Variants in CLIP2 observed in about 807,000 individuals in gnomAD.
The protein encoded by CLIP2 is CAP-Gly domain-containing linker protein 2.
CLIP2 carries 41 observed loss-of-function variants against 111.7 expected under a neutral mutation model. The ratio of observed to expected loss-of-function variants is 0.37; its 90% CI spans 0.29 to 0.48. CLIP2 has a LOEUF of 0.48. Ranked by LOEUF, CLIP2 falls within the 20% of genes least tolerant of loss-of-function variation. The pLI is 0.99. For synonymous variants in CLIP2, 660 were observed against 644.2 expected (o/e 1.02, Z -0.37); for missense variants, 1,160 against 1,422.1 (o/e 0.82, Z 2.96).
intron 1 of CLIP2, among the ~76,000 whole-genome samples, chr7:74,306,043 T>G (rs6975651): frequency 1.6e-4 from 25 of 152,204 alleles, no homozygotes; most frequent in African/African-American, 5.3e-4. Context: ...CTAGATCCCC[T>G]GCTGCCTTCC....
chr7:74,312,577 T>A (rs1396502478), intron 1 of CLIP2, among the ~76,000 whole-genome samples: 2 of 152,196 alleles, frequency 1.3e-5, no homozygotes, highest in Admixed American at 6.6e-5. Flanking sequence ...CTCGGAGAGC[T>A]GTGCCCAAAG....
At chr7:74,358,250 C>T (rs1790205568) in intron 6 of CLIP2, among the ~76,000 whole-genome samples, 1 of 151,968 alleles carries the variant, frequency 6.6e-6, no homozygotes, top group Admixed American at 6.6e-5. Context: ...GGGGTTTCAC[C>T]CTGTTGGTCA....
intron 1 of CLIP2, among the ~76,000 whole-genome samples, chr7:74,289,958 C>T (rs1338938035): frequency 1.3e-5 from 2 of 152,086 alleles, no homozygotes; most frequent in Non-Finnish European, 2.9e-5. Context: ...GGGGGCACTG[C>T]TTGGGGTGCC....
chr7:74,350,933 GGAAAGGAAGGAAGGGAAA>G (rs1362687147), intron 3 of CLIP2, among the ~76,000 whole-genome samples: 2 of 141,100 alleles, frequency 1.4e-5, no homozygotes, highest in African/African-American at 2.7e-5. Context: ...AGGAAGGGAA[GGAAAGGAAGGAAGGGAAA>G]GAAAGGAAGG....
intron 1 of CLIP2, among the ~76,000 whole-genome samples, chr7:74,304,036 C>G (rs1788409822): frequency 6.6e-6 from 1 of 151,976 alleles, no homozygotes; most frequent in Non-Finnish European, 1.5e-5. Flanking sequence ...ACCTTAGCCT[C>G]CTAAGTAGCT....
chr7:74,326,096 C>A (rs915736579), intron 2 of CLIP2, among the ~76,000 whole-genome samples: 2 of 151,652 alleles, frequency 1.3e-5, no homozygotes, highest in African/African-American at 4.8e-5. Context: ...AAAAATTAGC[C>A]GGGCGCGACG....
At chr7:74,397,552 G>A (rs1425753048) in intron 14 of CLIP2, among the ~76,000 whole-genome samples, 4 of 151,860 alleles carry the variant, frequency 2.6e-5, no homozygotes, top group Non-Finnish European at 4.4e-5. Flanking sequence ...TCAACCACAA[G>A]CCAGTTCCTT....
chr7:74,357,616 C>T, intron 6 of CLIP2, 139 bp downstream of exon 6: 1 of 725,168 alleles, frequency 1.4e-6, no homozygotes, highest in Non-Finnish European at 2.3e-6. Flanking sequence ...CCCCGCTTTC[C>T]AGAGATAAGC....
At chr7:74,322,017 T>G (rs1215029215) in intron 2 of CLIP2, among the ~76,000 whole-genome samples, 1 of 143,608 alleles carries the variant, frequency 7.0e-6, no homozygotes, top group East Asian at 2.1e-4. Context: ...AGAGTCTTGC[T>G]CTGTCGACCA....
In CLIP2 at chr7:74,389,314, T is replaced by G. The variant is rs35415684; in HGVS notation, c.2720+55T>G. Reference sequence around the variant, plus strand: ...TCCCTGTGGCCCTGGCCCTTGCTCCTCTTCTTGACATTAGCTCATGTTATC... The same window carrying G: ...TCCCTGTGGCCCTGGCCCTTGCTCCGCTTCTTGACATTAGCTCATGTTATC... On this transcript the variant is annotated intron_variant, in intron 13 of 16. Coordinates refer to ENST00000223398, the MANE Select transcript of CLIP2 (RefSeq NM_003388.5). 9.5e-6 allele frequency: 14 copies of G among 1,469,886 alleles called. No individual in the cohort carries two copies. The Admixed American group carries it at 1.6e-4, about 17-fold the overall frequency. The allele number at this position is 1,469,886 out of a possible 1,614,324, so 91.1% of individuals were successfully genotyped here.
At chr7:74,318,652 G>A (rs1036073184) in intron 2 of CLIP2, among the ~76,000 whole-genome samples, 4 of 152,148 alleles carry the variant, frequency 2.6e-5, no homozygotes, top group Non-Finnish European at 2.9e-5. Context: ...GGAGGAGGTT[G>A]CAGTGAGCCG....
rs374126614 is a variant in CLIP2 at position 74,376,751 on chromosome 7, C to T, written c.2350C>T (p.Arg784Trp). 69 of 1,611,534 alleles carry T rather than the reference C, an allele frequency of 4.3e-5. No individual in the cohort carries two copies. Among genetic ancestry groups the T allele is most frequent in the Non-Finnish European group, 5.5e-5 (65 of 1,179,308 alleles). Reference protein sequence around the residue: ...AQGKQEVESLREKLLVAENRL... With the variant: ...AQGKQEVESLWEKLLVAENRL... ...GGGCAAACAGGAGGTCGAGAGTTTGCGGGAGAAGCTCCTGGTGGCTGAGAA... is the reference window on the plus strand; with the variant it reads ...GGGCAAACAGGAGGTCGAGAGTTTGTGGGAGAAGCTCCTGGTGGCTGAGAA... The change falls in exon 10 of 17, where the codon CGG (arginine) becomes TGG (tryptophan). Residue 784 changes from arginine to tryptophan, a missense_variant. Around this residue, in one of 5 missense-constraint regions of CLIP2, gnomAD observed 676 missense variants for 777.8 expected, o/e 0.87. Coordinates refer to ENST00000223398, the MANE Select transcript of CLIP2 (RefSeq NM_003388.5). The surrounding 1 kb of genome is among the most constrained non-coding windows in gnomAD (Gnocchi z 7.1).
chr7:74,322,540 C>T (rs1788989929), intron 2 of CLIP2, among the ~76,000 whole-genome samples: 1 of 152,006 alleles, frequency 6.6e-6, no homozygotes, highest in Non-Finnish European at 1.5e-5. Context: ...CACACCACTG[C>T]ACTCCAGCCT....
At chr7:74,301,697 TTTTG>T (rs1209592635) in intron 1 of CLIP2, among the ~76,000 whole-genome samples, 3 of 133,214 alleles carry the variant, frequency 2.3e-5, no homozygotes, top group African/African-American at 7.7e-5. Context: ...TGGCATTGTT[TTTTG>T]TTTGTTTGTT....
In CLIP2 at chr7:74,397,249, G is replaced by T; in HGVS notation, c.2880+16G>T. On this transcript the variant is annotated intron_variant, in intron 14 of 16. Coordinates refer to ENST00000223398, the MANE Select transcript of CLIP2 (RefSeq NM_003388.5). ...GACCGGGCTGGTATGTGGGGTAGGG[G>T]TGGCCTAGGGGCAGGGGCACTAGTC... The T allele has an allele frequency of 6.2e-7, 1 of 1,612,144 alleles. No homozygotes were observed. Among genetic ancestry groups the T allele is most frequent in the Non-Finnish European group, 8.5e-7 (1 of 1,179,044 alleles).
intron 13 of CLIP2, among the ~76,000 whole-genome samples, chr7:74,395,057 C>T (rs1332200683): frequency 2.6e-5 from 4 of 152,230 alleles, no homozygotes; most frequent in Non-Finnish European, 5.9e-5. Context: ...AGCCTGGCCT[C>T]ATCCCCGTCT....
At chr7:74,329,710 T>TC (rs11384460) in intron 2 of CLIP2, among the ~76,000 whole-genome samples, 95,119 of 151,810 alleles carry the variant, frequency 0.63, 31,361 homozygotes, top group Middle Eastern at 0.74. Context: ...TCATCACACA[T>TC]TCACTTCATC....
At chr7:74,400,320 AACAC>A in intron 14 of CLIP2, 46 bp from the exon 15 acceptor site, 1 of 1,472,420 alleles carries the variant, frequency 6.8e-7, no homozygotes, top group Non-Finnish European at 9.2e-7. Flanking sequence ...GACGCCCACC[AACAC>A]ACACACGCAC....
At chr7:74,393,929 C>A (rs1009412372) in intron 13 of CLIP2, among the ~76,000 whole-genome samples, 2 of 152,164 alleles carry the variant, frequency 1.3e-5, no homozygotes, top group Non-Finnish European at 2.9e-5. Flanking sequence ...GGGCTGCCCT[C>A]CCTCCCCTGT....
Sources: allele counts gnomAD v4.1 joint callset (sites outside exome capture counted in the v4.1 genomes callset), GRCh38; gene constraint gnomAD v4.1.1; regional missense constraint gnomAD v4.1.1; non-coding constraint Gnocchi (gnomAD v3.1); transcripts MANE v1.5; gene names NCBI Gene and HGNC (gene_info 2026-07-23, HGNC 2026-07-21).